Variants in FCHSD2 observed in about 807,000 individuals in gnomAD.
The protein encoded by FCHSD2 is F-BAR and double SH3 domains protein 2.
In FCHSD2, 38 loss-of-function variants were observed where a neutral mutation model predicts 108.1. The ratio of observed to expected loss-of-function variants is 0.35; its 90% CI spans 0.27 to 0.46. The LOEUF is 0.46. Ranked by LOEUF, FCHSD2 falls within the 20% of genes least tolerant of loss-of-function variation. FCHSD2 has a pLI of 1.00. For missense variants in FCHSD2, 751 were observed against 897.8 expected (o/e 0.84, Z 2.09); for synonymous variants, 279 against 314.7 (o/e 0.89, Z 1.20).
chr11:72,871,463 G>A (rs1854855476), intron 12 of FCHSD2, among the ~76,000 whole-genome samples: 1 of 152,162 alleles, frequency 6.6e-6, no homozygotes, highest in African/African-American at 2.4e-5. Context: ...ACATATGCAA[G>A]TGGTGATCTC....
chr11:72,843,222 C>T lies in FCHSD2; in HGVS notation c.1634G>A (p.Ser545Asn), dbSNP rs200902127. ...GGAATTGCTGGACGTGTGTGACCGACTGTCCAAAGCGGCCAGGGACTGCAG... is the reference window on the plus strand; with the variant it reads ...GGAATTGCTGGACGTGTGTGACCGATTGTCCAAAGCGGCCAGGGACTGCAG... ...SMLQSLAALD[S>N]RSHTSSNSTE... Residue 545 changes from serine (S) to asparagine (N), a missense_variant, in exon 16 of 20, where the codon AGT becomes AAT. Transcript: ENST00000409418. 4 of 1,614,022 alleles carry T rather than the reference C, an allele frequency of 2.5e-6. No individual in the cohort carries two copies. Among genetic ancestry groups the T allele is most frequent in the Non-Finnish European group, 3.4e-6 (4 of 1,179,884 alleles).
intron 3 of FCHSD2, among the ~76,000 whole-genome samples, chr11:73,082,335 CAAAAAAAAAAA>C (rs750423401): frequency 7.0e-4 from 24 of 34,462 alleles, no homozygotes; most frequent in South Asian, 1.9e-3. Context: ...AGACTTGTCC[CAAAAAAAAAAA>C]AAAAAAAAAA....
intron 12 of FCHSD2, among the ~76,000 whole-genome samples, chr11:72,876,230 T>C (rs1472206978): frequency 6.6e-6 from 1 of 152,088 alleles, no homozygotes; most frequent in African/African-American, 2.4e-5. Flanking sequence ...TTCGGGAGGC[T>C]GAGGTGGGAG....
At chr11:72,920,753 T>A (rs1855962342) in intron 9 of FCHSD2, among the ~76,000 whole-genome samples, 1 of 152,226 alleles carries the variant, frequency 6.6e-6, no homozygotes, top group Non-Finnish European at 1.5e-5. Context: ...ACATACTACA[T>A]AGATTCCTCA....
chr11:73,009,423 G>A (rs966485575), intron 4 of FCHSD2, among the ~76,000 whole-genome samples: 4 of 152,262 alleles, frequency 2.6e-5, no homozygotes, highest in African/African-American at 7.2e-5. Context: ...CTTGAACCTG[G>A]GAGGTGGAGG....
intron 3 of FCHSD2, among the ~76,000 whole-genome samples, chr11:73,016,352 A>C (rs139019742): frequency 1.2e-3 from 176 of 152,100 alleles, no homozygotes; most frequent in Admixed American, 2.4e-3. Context: ...AACCAACCAA[A>C]CAAACAAAAA....
intron 5 of FCHSD2, 48 bp downstream of exon 5, chr11:73,000,942 A>T: frequency 6.7e-7 from 1 of 1,484,020 alleles, no homozygotes; most frequent in Non-Finnish European, 9.2e-7. Flanking sequence ...TTATAAATGT[A>T]GCACTGGGAT....
At chr11:72,980,481 C>A (rs1001691611) in intron 8 of FCHSD2, among the ~76,000 whole-genome samples, 31 of 151,888 alleles carry the variant, frequency 2.0e-4, no homozygotes, top group Admixed American at 2.0e-3. Flanking sequence ...AAATAATGAG[C>A]TATGAACTTT....
At chr11:73,036,551 T>C (rs1200131518) in intron 3 of FCHSD2, among the ~76,000 whole-genome samples, 3 of 152,208 alleles carry the variant, frequency 2.0e-5, no homozygotes, top group Admixed American at 1.3e-4. Context: ...ATGACTAGCA[T>C]ACTGCAAGTC....
intron 8 of FCHSD2, among the ~76,000 whole-genome samples, chr11:72,971,771 A>G (rs1857010850): frequency 6.6e-6 from 1 of 152,208 alleles, no homozygotes. Flanking sequence ...AACCCTAAGC[A>G]GAGAACCTGG....
intron 12 of FCHSD2, among the ~76,000 whole-genome samples, chr11:72,878,070 G>T (rs1336529681): frequency 6.6e-6 from 1 of 151,698 alleles, no homozygotes; most frequent in Non-Finnish European, 1.5e-5. Flanking sequence ...TTGGTGTAAG[G>T]CAAAAAGAAC....
At chr11:73,055,326 G>A (rs1019858121) in intron 3 of FCHSD2, among the ~76,000 whole-genome samples, 1 of 142,608 alleles carries the variant, frequency 7.0e-6, no homozygotes, top group Admixed American at 7.3e-5. Flanking sequence ...CTGGGCAACA[G>A]AGTGAGACCC....
intron 5 of FCHSD2, among the ~76,000 whole-genome samples, chr11:72,997,163 C>G (rs909702725): frequency 6.6e-6 from 1 of 151,966 alleles, no homozygotes; most frequent in Non-Finnish European, 1.5e-5. Context: ...GAACTATAGC[C>G]GAGAGGCCAA....
At chr11:72,884,543 CATAT>C (rs908735531) in intron 12 of FCHSD2, among the ~76,000 whole-genome samples, 19 of 144,108 alleles carry the variant, frequency 1.3e-4, no homozygotes, top group Non-Finnish European at 2.1e-4. Context: ...TATATAAGAT[CATAT>C]ATATAGTTTA....
chr11:72,941,210 C>T (rs1856411077), intron 8 of FCHSD2: 2 of 276,980 alleles, frequency 7.2e-6, no homozygotes, highest in South Asian at 5.6e-5. Flanking sequence ...CTTCAAGGGA[C>T]CAGAGGCCAC....
intron 4 of FCHSD2, among the ~76,000 whole-genome samples, chr11:73,010,714 G>C (rs982231005): frequency 6.6e-6 from 1 of 152,224 alleles, no homozygotes; most frequent in African/African-American, 2.4e-5. Context: ...AGTGGGGCCT[G>C]TGGTAAAGTT....
At chr11:72,893,563 C>T (rs1855361184) in intron 10 of FCHSD2, among the ~76,000 whole-genome samples, 2 of 151,334 alleles carry the variant, frequency 1.3e-5, no homozygotes, top group Non-Finnish European at 2.9e-5. Flanking sequence ...GATCCTCCTG[C>T]CTTGACCTCC....
intron 3 of FCHSD2, among the ~76,000 whole-genome samples, chr11:73,069,980 A>T (rs968690137): frequency 1.3e-5 from 2 of 152,238 alleles, no homozygotes; most frequent in East Asian, 3.8e-4. Context: ...CCAGGTAGAA[A>T]GTTAGAATGC....
chr11:72,885,669 G>A (rs1855182129), intron 12 of FCHSD2, among the ~76,000 whole-genome samples: 1 of 152,040 alleles, frequency 6.6e-6, no homozygotes, highest in Non-Finnish European at 1.5e-5. Context: ...AATTACTCCT[G>A]TTCCACCAAG....
Sources: allele counts gnomAD v4.1 joint callset (sites outside exome capture counted in the v4.1 genomes callset), GRCh38; gene constraint gnomAD v4.1.1; transcripts MANE v1.5; gene names NCBI Gene and HGNC (gene_info 2026-07-23, HGNC 2026-07-21).